Variants in ARHGAP28 observed in about 807,000 individuals in gnomAD.
ARHGAP28 encodes the protein Rho GTPase activating protein 28.
In ARHGAP28, 56 loss-of-function variants were observed where a neutral mutation model predicts 90.7. That is an observed-to-expected ratio of 0.62 (90% CI 0.50 to 0.77). The LOEUF (loss-of-function observed/expected upper bound fraction) is 0.77, where lower values mean the gene tolerates loss of function less well. Ranked by LOEUF, ARHGAP28 falls within the 30% of genes least tolerant of loss-of-function variation. The pLI is 0.00. For synonymous variants in ARHGAP28, 308 were observed against 323.3 expected (o/e 0.95, Z 0.51); for missense variants, 869 against 900.9 (o/e 0.96, Z 0.45).
intron 17 of ARHGAP28, among the ~76,000 whole-genome samples, chr18:6,910,949 A>C (rs1362919780): frequency 6.6e-6 from 1 of 151,412 alleles, no homozygotes; most frequent in Non-Finnish European, 1.5e-5. Flanking sequence ...GGTTCACGCC[A>C]TTCTCCTGCC....
intron 1 of ARHGAP28, among the ~76,000 whole-genome samples, chr18:6,794,578 A>C (rs933791071): frequency 6.6e-6 from 1 of 152,182 alleles, no homozygotes; most frequent in African/African-American, 2.4e-5. Context: ...TTTCTTATAA[A>C]TTCTTTTAGA....
chr18:6,899,321 C>A (rs1600303039), intron 16 of ARHGAP28, among the ~76,000 whole-genome samples: 2 of 152,060 alleles, frequency 1.3e-5, no homozygotes, highest in South Asian at 2.1e-4. Context: ...AAGAAGAGGC[C>A]TTGAGAAATG....
intron 1 of ARHGAP28, among the ~76,000 whole-genome samples, chr18:6,802,909 G>A (rs75025460): frequency 0.017 from 2,639 of 152,046 alleles, 82 homozygotes; most frequent in African/African-American, 0.061. Context: ...TTAATATATA[G>A]AAATACAATT....
At chr18:6,735,520 C>T (rs187291063) in intron 1 of ARHGAP28, among the ~76,000 whole-genome samples, 86 of 148,540 alleles carry the variant, frequency 5.8e-4, no homozygotes, top group Non-Finnish European at 1.1e-3. Context: ...TTGGGTTGGT[C>T]TGATGTTTTC....
At chr18:6,768,454 A>T (rs2056216955) in intron 1 of ARHGAP28, among the ~76,000 whole-genome samples, 1 of 152,128 alleles carries the variant, frequency 6.6e-6, no homozygotes, top group Non-Finnish European at 1.5e-5. Context: ...CACTAAAGTG[A>T]GAGACTTCTG....
chr18:6,871,217 G>A (rs1409349380), intron 7 of ARHGAP28, among the ~76,000 whole-genome samples: 1 of 152,232 alleles, frequency 6.6e-6, no homozygotes, highest in East Asian at 1.9e-4. Flanking sequence ...GCAGTGCACA[G>A]CCTGCCTGGC....
chr18:6,737,290 G>A (rs1383537171), intron 1 of ARHGAP28, among the ~76,000 whole-genome samples: 4 of 152,122 alleles, frequency 2.6e-5, no homozygotes, highest in African/African-American at 9.7e-5. Context: ...CATTAAGACA[G>A]CATAACTGCA....
intron 1 of ARHGAP28, chr18:6,789,787 A>T (rs1162552184): frequency 6.6e-6 from 1 of 152,016 alleles, no homozygotes; most frequent in Non-Finnish European, 1.5e-5. Context: ...TTTTGTATAG[A>T]TGCAAAATTA....
chr18:6,758,716 G>T (rs2056134181), intron 1 of ARHGAP28, among the ~76,000 whole-genome samples: 2 of 152,176 alleles, frequency 1.3e-5, no homozygotes, highest in Admixed American at 6.5e-5. Context: ...GCTTGGTCTA[G>T]TTAAACATTT....
At chr18:6,738,740 A>G (rs1352084113) in intron 1 of ARHGAP28, among the ~76,000 whole-genome samples, 3 of 152,216 alleles carry the variant, frequency 2.0e-5, no homozygotes, top group East Asian at 1.9e-4. Context: ...GAGTAAATCT[A>G]TATTTAAGTG....
At chr18:6,876,266 C>T (rs900463317) in intron 10 of ARHGAP28, 58 bp downstream of exon 10, 5 of 1,288,408 alleles carry the variant, frequency 3.9e-6, no homozygotes, top group Non-Finnish European at 5.7e-6. Flanking sequence ...ACCCAGTTCA[C>T]ACAAGCATCG....
intron 1 of ARHGAP28, among the ~76,000 whole-genome samples, chr18:6,804,818 A>G (rs963727209): frequency 2.6e-5 from 4 of 152,236 alleles, no homozygotes; most frequent in Non-Finnish European, 4.4e-5. Flanking sequence ...TTTTGTGTAG[A>G]CTAAATAGTA....
chr18:6,896,137 G>A (rs1035049738), intron 15 of ARHGAP28, among the ~76,000 whole-genome samples: 4 of 152,128 alleles, frequency 2.6e-5, no homozygotes, highest in African/African-American at 9.7e-5. Flanking sequence ...TCAAAAGGTT[G>A]GTCTTCTTAA....
intron 1 of ARHGAP28, among the ~76,000 whole-genome samples, chr18:6,783,497 C>T (rs958969840): frequency 6.3e-5 from 9 of 143,664 alleles, no homozygotes; most frequent in African/African-American, 2.7e-4. Context: ...GACGGGGTTT[C>T]TCCATGTTGG....
Position 6,817,338 on chromosome 18 carries a change from A to C in ARHGAP28, c.123-7424A>C, listed in dbSNP as rs115704439. Reference sequence around the variant, plus strand: ...CATTCCAAAAACAAACAAACAAAAAAAAAACAAAACAAAACAAGAAGAGAG... The same window carrying C: ...CATTCCAAAAACAAACAAACAAAAACAAAACAAAACAAAACAAGAAGAGAG... On this transcript the variant is annotated intron_variant, in intron 1 of 17. Coordinates refer to ENST00000383472, the MANE Select transcript of ARHGAP28 (RefSeq NM_001366230.1). 9.7e-3 allele frequency among the ~76,000 whole-genome samples: 1,471 copies of C among 151,948 alleles called. 18 individuals are homozygous for C. The highest frequency in any genetic ancestry group is 0.033 in the African/African-American group (1,360 of 41,430).
At chr18:6,824,353 G>A (rs1321186968) in intron 1 of ARHGAP28, among the ~76,000 whole-genome samples, 7 of 152,016 alleles carry the variant, frequency 4.6e-5, no homozygotes, top group South Asian at 2.1e-4. Flanking sequence ...CCTGACCAAC[G>A]TGGTGAAACC....
intron 1 of ARHGAP28, among the ~76,000 whole-genome samples, chr18:6,751,600 A>C (rs186875474): frequency 2.8e-4 from 42 of 152,316 alleles, no homozygotes; most frequent in African/African-American, 9.9e-4. Flanking sequence ...TGGAGTATAG[A>C]AAGGCAAAAT....
At chr18:6,825,511 C>A (rs2056655920) in intron 2 of ARHGAP28, among the ~76,000 whole-genome samples, 1 of 152,080 alleles carries the variant, frequency 6.6e-6, no homozygotes, top group Non-Finnish European at 1.5e-5. Flanking sequence ...TTTAGATATA[C>A]AAGGGGTACA....
intron 1 of ARHGAP28, among the ~76,000 whole-genome samples, chr18:6,772,757 G>A (rs577208856): frequency 3.8e-4 from 58 of 150,798 alleles, no homozygotes; most frequent in African/African-American, 1.2e-3. Flanking sequence ...TTTTTGAGAC[G>A]GAGTTTCGCT....
Sources: gnomAD v4.1 joint callset for allele counts (sites outside exome capture counted in the v4.1 genomes callset) on GRCh38, gnomAD v4.1.1 for gene constraint, MANE v1.5 for transcripts, NCBI Gene and HGNC (gene_info 2026-07-23, HGNC 2026-07-21) for gene names.